PCDH7: variants seen among roughly 807,000 people sequenced by gnomAD.
The protein encoded by PCDH7 is protocadherin-7.
A neutral mutation model predicts 58.9 loss-of-function variants in PCDH7; 17 were observed. The ratio of observed to expected loss-of-function variants is 0.29; its 90% CI spans 0.20 to 0.43. The LOEUF is 0.43. Among genes scored for constraint, PCDH7 ranks in the 20% least tolerant of loss-of-function variants. The probability of loss-of-function intolerance (pLI) is 1.00; values close to 1 mark genes in which losing one functional copy is unlikely to be tolerated. For synonymous variants in PCDH7, 664 were observed against 616.4 expected, an observed-to-expected ratio of 1.08 and a Z score of -1.14; for missense variants, 1,274 against 1,441.0, an observed-to-expected ratio of 0.88 and a Z score of 1.88.
intron 3 of PCDH7, among the ~76,000 whole-genome samples, chr4:30,953,702 G>A (rs541433207): frequency 2.0e-5 from 3 of 152,054 alleles, no homozygotes; most frequent in South Asian, 2.1e-4. Context: ...TTTAAAAATA[G>A]CATTTGAAGA....
Position 30,721,680 on chromosome 4 carries a change from G to A in PCDH7, c.258G>A (p.Thr86=), listed in dbSNP as rs773488237. ...ACAACCTCACTGGCGAGCTGAGCAC[G>A]AGCGAGCGGCGCATCGACCGCGAGA... Residue 86 remains threonine (T), a synonymous_variant, in exon 1 of 2, where the codon ACG becomes ACA. Coordinates refer to ENST00000361762, the Ensembl canonical transcript of PCDH7. This position sits in a 1 kb window ranked among gnomAD's most constrained non-coding sequence, Gnocchi z 6.7. The A allele has an allele frequency of 1.2e-6, 2 of 1,613,880 alleles. No homozygotes were observed. The highest frequency in any genetic ancestry group is 1.3e-5 in the African/African-American group (1 of 74,936).
intron 1 of PCDH7, among the ~76,000 whole-genome samples, chr4:30,853,344 G>C (rs770353226): frequency 4.6e-5 from 7 of 152,048 alleles, no homozygotes; most frequent in East Asian, 1.9e-4. Context: ...GTGAGTATTA[G>C]ATATTTAGGA....
At chr4:30,903,553 G>T (rs1003177187) in intron 1 of PCDH7, among the ~76,000 whole-genome samples, 3 of 152,112 alleles carry the variant, frequency 2.0e-5, no homozygotes, top group Admixed American at 6.6e-5. Flanking sequence ...ACTCTACAGT[G>T]TAAATCTGTT....
At chr4:30,864,254 G>C (rs1176521248) in intron 1 of PCDH7, among the ~76,000 whole-genome samples, 1 of 151,830 alleles carries the variant, frequency 6.6e-6, no homozygotes, top group African/African-American at 2.4e-5. Context: ...CATGTCTCCT[G>C]ACCTCTCAGT....
chr4:30,823,595 G>A (rs1214161295), intron 1 of PCDH7, among the ~76,000 whole-genome samples: 7 of 152,034 alleles, frequency 4.6e-5, no homozygotes, highest in African/African-American at 1.7e-4. Flanking sequence ...GGCGTACAGG[G>A]GTCTTTGATA....
chr4:31,017,032 G>A (rs954277543), intron 3 of PCDH7, among the ~76,000 whole-genome samples: 23 of 152,070 alleles, frequency 1.5e-4, no homozygotes, highest in African/African-American at 5.6e-4. Flanking sequence ...TCTGGACTAT[G>A]TGTGACAGGA....
intron 1 of PCDH7, among the ~76,000 whole-genome samples, chr4:30,903,001 T>C (rs1319832901): frequency 6.6e-6 from 1 of 152,094 alleles, no homozygotes; most frequent in East Asian, 1.9e-4. Context: ...AAAATTTAGG[T>C]TATATTATCA....
At position 30,723,082 on chromosome 4, in the gene PCDH7, G is replaced by A. The variant is rs1713965539; in HGVS notation, c.1660G>A (p.Val554Met). Residue 554 changes from valine (V) to methionine (M), a missense_variant, in exon 1 of 2, where the codon GTG becomes ATG. Physicochemically the swap from Val to Met is conservative, Grantham distance 21. Transcript: ENST00000361762. This position sits in a 1 kb window ranked among gnomAD's most constrained non-coding sequence, Gnocchi z 4.6. The stretch of plus-strand genomic sequence containing the variant: ...TGAGAACAACATCCCGGGCGAGAGG[G>A]TGGCCACGGTGCTGGCGACAGACGC... 2 of 1,613,906 alleles carry A rather than the reference G, an allele frequency of 1.2e-6. No homozygotes were observed. Among genetic ancestry groups the A allele is most frequent in the East Asian group, 2.2e-5 (1 of 44,864 alleles).
intron 1 of PCDH7, among the ~76,000 whole-genome samples, chr4:30,870,150 CTTTG>C (rs1402000705): frequency 1.3e-5 from 2 of 151,546 alleles, no homozygotes; most frequent in Non-Finnish European, 2.9e-5. Flanking sequence ...TTTCTTGTAA[CTTTG>C]TTTAAGTTTG....
chr4:30,751,427 G>C (rs2109258572), intron 1 of PCDH7, among the ~76,000 whole-genome samples: 1 of 152,226 alleles, frequency 6.6e-6, no homozygotes, highest in Admixed American at 6.5e-5. Context: ...GAGTTCTTCT[G>C]TTTCCCAAGT....
intron 1 of PCDH7, among the ~76,000 whole-genome samples, chr4:30,756,033 C>T (rs112162730): frequency 0.02 from 2,982 of 152,158 alleles, 95 homozygotes; most frequent in African/African-American, 0.062. Context: ...GAGCCGATAT[C>T]GCACCACTGC....
At chr4:31,104,688 C>T (rs1413990540) in intron 3 of PCDH7, among the ~76,000 whole-genome samples, 1 of 152,112 alleles carries the variant, frequency 6.6e-6, no homozygotes, top group Admixed American at 6.5e-5. Context: ...TTTCTAAGAG[C>T]GACGTGGTCT....
intron 1 of PCDH7, among the ~76,000 whole-genome samples, chr4:30,888,604 T>C (rs1738172590): frequency 6.6e-6 from 1 of 152,168 alleles, no homozygotes; most frequent in Admixed American, 6.6e-5. Flanking sequence ...ATTAAGGGAT[T>C]ATTGTTAATA....
chr4:30,939,118 TG>T (rs2109434007), intron 2 of PCDH7, among the ~76,000 whole-genome samples: 1 of 152,284 alleles, frequency 6.6e-6, no homozygotes, highest in Non-Finnish European at 1.5e-5. Flanking sequence ...TGAAAATCCC[TG>T]GGAGCACTTA....
chr4:31,095,540 A>G (rs983363057), intron 3 of PCDH7, among the ~76,000 whole-genome samples: 2 of 152,110 alleles, frequency 1.3e-5, no homozygotes, highest in Non-Finnish European at 2.9e-5. Flanking sequence ...TTTGTGACAG[A>G]GCAGTATAAA....
chr4:31,015,207 CT>C (rs1201033731), intron 3 of PCDH7, among the ~76,000 whole-genome samples: 1 of 152,156 alleles, frequency 6.6e-6, no homozygotes, highest in Non-Finnish European at 1.5e-5. Flanking sequence ...ACTTCATGCC[CT>C]TGTCTTTTTC....
intron 3 of PCDH7, among the ~76,000 whole-genome samples, chr4:31,021,070 G>A (rs553542900): frequency 6.6e-6 from 1 of 152,262 alleles, no homozygotes; most frequent in Admixed American, 6.5e-5. Context: ...GTGGACCAAC[G>A]AATGTTTCAT....
At chr4:30,978,616 GA>G (rs551391289) in intron 3 of PCDH7, among the ~76,000 whole-genome samples, 24 of 152,042 alleles carry the variant, frequency 1.6e-4, no homozygotes, top group African/African-American at 5.3e-4. Flanking sequence ...TAATTTGCAA[GA>G]AAAAAATATT....
intron 1 of PCDH7, among the ~76,000 whole-genome samples, chr4:30,875,711 C>G (rs1378232258): frequency 6.6e-6 from 1 of 152,074 alleles, no homozygotes; most frequent in Non-Finnish European, 1.5e-5. Context: ...TTAAGGTCAT[C>G]TGATTCCGTA....
Sources: gnomAD v4.1 joint callset for allele counts (sites outside exome capture counted in the v4.1 genomes callset) on GRCh38, gnomAD v4.1.1 for gene constraint, Gnocchi (gnomAD v3.1) non-coding constraint, MANE v1.5 for transcripts, NCBI Gene and HGNC (gene_info 2026-07-23, HGNC 2026-07-21) for gene names.